The following FAM20B variants were observed in gnomAD, a reference collection of about 807,000 sequenced individuals.
FAM20B encodes glycosaminoglycan xylosylkinase.
FAM20B carries 23 observed loss-of-function variants against 43.8 expected under a neutral mutation model. That is an observed-to-expected ratio of 0.53 (90% CI 0.38 to 0.74). The LOEUF (loss-of-function observed/expected upper bound fraction) is 0.74, where lower values mean the gene tolerates loss of function less well. Among genes scored for constraint, FAM20B ranks in the 30% least tolerant of loss-of-function variants. FAM20B has a pLI of 0.00. For synonymous variants in FAM20B, 178 were observed against 192.4 expected (o/e 0.93, Z 0.62); for missense variants, 440 against 510.5 (o/e 0.86, Z 1.33).
chr1:179,040,717 C>T (rs1042564920), intron 1 of FAM20B, among the ~76,000 whole-genome samples: 1 of 145,816 alleles, frequency 6.9e-6, no homozygotes. Flanking sequence ...GCTGACCCCC[C>T]ACCTCCCTCC....
Position 179,070,515 on chromosome 1 carries a change from C to CTTTT in FAM20B, c.999-1374_999-1371dup, listed in dbSNP as rs61169246. Among the ~76,000 whole-genome samples the CTTTT allele has an allele frequency of 3.5e-5, 2 of 57,754 alleles. 1 individual carries two copies. The highest frequency in any genetic ancestry group is 6.0e-5 in the Non-Finnish European group (2 of 33,178). 37.9% of individuals were successfully genotyped at this position (57,754 alleles called of 152,430 possible). ...GAGGGCAACAAGGGGCTGAACTCGC[C>CTTTT]TTTTTTTTTTTTTTTTTTTTTTTTT... On this transcript the variant is annotated intron_variant, in intron 7 of 7. Transcript: ENST00000263733.
chr1:179,040,273 C>T (rs1392835804), intron 1 of FAM20B, among the ~76,000 whole-genome samples: 2 of 152,148 alleles, frequency 1.3e-5, no homozygotes, highest in South Asian at 2.1e-4. Flanking sequence ...GGGTGGTGGC[C>T]GGGCAGAGGG....
chr1:179,047,579 G>T (rs912840277), intron 2 of FAM20B, among the ~76,000 whole-genome samples: 41 of 151,944 alleles, frequency 2.7e-4, no homozygotes, highest in African/African-American at 9.9e-4. Flanking sequence ...ACTCAGCAAG[G>T]TTTTTTTTGG....
chr1:179,021,440 G>A (rs1200956250), upstream of FAM20B, among the ~76,000 whole-genome samples: 8 of 152,180 alleles, frequency 5.3e-5, no homozygotes, highest in African/African-American at 1.4e-4. Context: ...CCAATCCCTT[G>A]AAAAGCCATA....
At chr1:179,033,839 T>A (rs991523182) in intron 1 of FAM20B, among the ~76,000 whole-genome samples, 3 of 152,118 alleles carry the variant, frequency 2.0e-5, no homozygotes, top group Non-Finnish European at 4.4e-5. Context: ...ACTACAGGCA[T>A]GTGCCACCAT....
chr1:179,040,631 A>C (rs1294946269), intron 1 of FAM20B, among the ~76,000 whole-genome samples: 8 of 98,262 alleles, frequency 8.1e-5, no homozygotes, highest in South Asian at 3.6e-4. Context: ...GGCGCCCCTC[A>C]CCTCCCGGAC....
At chr1:179,063,612 A>C (rs779714527) in intron 4 of FAM20B, among the ~76,000 whole-genome samples, 2 of 152,136 alleles carry the variant, frequency 1.3e-5, no homozygotes, top group Non-Finnish European at 2.9e-5. Flanking sequence ...AACAAAAACA[A>C]AACAAACAAA....
intron 7 of FAM20B, among the ~76,000 whole-genome samples, chr1:179,068,171 C>T (rs1651768583): frequency 6.6e-6 from 1 of 152,200 alleles, no homozygotes; most frequent in Admixed American, 6.5e-5. Flanking sequence ...GGTCAGCTCC[C>T]AGCAACATCA....
intron 1 of FAM20B, among the ~76,000 whole-genome samples, chr1:179,041,802 T>C (rs375458741): frequency 6.6e-6 from 1 of 151,438 alleles, no homozygotes; most frequent in Non-Finnish European, 1.5e-5. Flanking sequence ...TAGGAATTGT[T>C]GTCTTACCAG....
chr1:179,069,739 A>G (rs935985252), intron 7 of FAM20B, among the ~76,000 whole-genome samples: 4 of 152,214 alleles, frequency 2.6e-5, no homozygotes, highest in Admixed American at 2.0e-4. Flanking sequence ...AGTCTCACAG[A>G]GGAAGCTCTG....
At chr1:179,027,252 T>G (rs1649826524) in intron 1 of FAM20B, among the ~76,000 whole-genome samples, 1 of 152,228 alleles carries the variant, frequency 6.6e-6, no homozygotes, top group African/African-American at 2.4e-5. Context: ...GCGTTGTAAA[T>G]TCTTGCAAAA....
intron 1 of FAM20B, among the ~76,000 whole-genome samples, chr1:179,036,571 T>G (rs949980471): frequency 6.6e-6 from 1 of 152,174 alleles, no homozygotes; most frequent in East Asian, 1.9e-4. Flanking sequence ...ATTTCCTTAG[T>G]GTCTGAAATG....
chr1:179,060,223 T>G (rs907408537), intron 4 of FAM20B, among the ~76,000 whole-genome samples: 7 of 152,242 alleles, frequency 4.6e-5, no homozygotes, highest in African/African-American at 1.4e-4. Context: ...CTTCATTGTT[T>G]TGTTGTTTCA....
chr1:179,062,206 A>G (rs1651493765), intron 4 of FAM20B, among the ~76,000 whole-genome samples: 1 of 152,152 alleles, frequency 6.6e-6, no homozygotes, highest in South Asian at 2.1e-4. Context: ...GTATTTAGGA[A>G]CTACCCTGTG....
intron 1 of FAM20B, among the ~76,000 whole-genome samples, chr1:179,031,868 CT>C (rs1650029903): frequency 1.3e-5 from 2 of 152,118 alleles, no homozygotes; most frequent in Non-Finnish European, 2.9e-5. Context: ...CTATTTTAGC[CT>C]TTTTTTGTGA....
chr1:179,061,374 C>T (rs1013650203), intron 4 of FAM20B, among the ~76,000 whole-genome samples: 2 of 150,454 alleles, frequency 1.3e-5, no homozygotes, highest in African/African-American at 4.9e-5. Flanking sequence ...TTGAAATGCT[C>T]TCTCTCAGCA....
chr1:179,072,039 G>A lies in FAM20B; in HGVS notation c.1125G>A (p.Val375=), dbSNP rs1651946588. 1.2e-6 allele frequency: 2 copies of A among 1,614,028 alleles called. No homozygotes were observed. Among genetic ancestry groups the A allele is most frequent in the African/African-American group, 1.3e-5 (1 of 74,922 alleles). The change falls in exon 8 of 8, where the codon GTG becomes GTA. Residue 375 remains valine, a synonymous_variant. Coordinates refer to ENST00000263733, the MANE Select transcript of FAM20B (RefSeq NM_014864.4). ...TCTCTGATCCTCATCTGGACGCCGTGGACCAGCGGCTCCTGAGTGTCCTGG... is the reference window on the plus strand; with the variant it reads ...TCTCTGATCCTCATCTGGACGCCGTAGACCAGCGGCTCCTGAGTGTCCTGG... ...PVLSDPHLDA[V]DQRLLSVLAT...
chr1:179,046,136 A>ACCCATATTT (rs1434405463), intron 2 of FAM20B, among the ~76,000 whole-genome samples: 3 of 152,186 alleles, frequency 2.0e-5, no homozygotes, highest in Non-Finnish European at 4.4e-5. Flanking sequence ...GTGGTACAGA[A>ACCCATATTT]GTTTGAACCC....
upstream of FAM20B, among the ~76,000 whole-genome samples, chr1:179,021,571 A>G (rs1649604944): frequency 6.6e-6 from 1 of 152,254 alleles, no homozygotes; most frequent in South Asian, 2.1e-4. Context: ...AAATTTCTAT[A>G]GCCATACATG....
Sources: gnomAD v4.1 joint callset for allele counts (sites outside exome capture counted in the v4.1 genomes callset) on GRCh38, gnomAD v4.1.1 for gene constraint, MANE v1.5 for transcripts, NCBI Gene and HGNC (gene_info 2026-07-23, HGNC 2026-07-21) for gene names.